Variants in NAA35 observed in about 807,000 individuals in gnomAD.
The protein encoded by NAA35 is N-alpha-acetyltransferase 35, NatC auxiliary subunit.
A neutral mutation model predicts 101.7 loss-of-function variants in NAA35; 18 were observed. That is an observed-to-expected ratio of 0.18 (90% CI 0.12 to 0.26). NAA35 has a LOEUF of 0.26. Among genes scored for constraint, NAA35 ranks in the 10% least tolerant of loss-of-function variants. NAA35 has a pLI of 1.00. For missense variants in NAA35, 601 were observed against 886.8 expected, an observed-to-expected ratio of 0.68 and a Z score of 4.09; for synonymous variants, 267 against 273.1, an observed-to-expected ratio of 0.98 and a Z score of 0.22.
In NAA35 at chr9:85,956,164, G is replaced by A. The variant is rs186513401; in HGVS notation, c.125-196G>A. On this transcript the variant is annotated intron_variant, in intron 2 of 22. Transcript: ENST00000361671. ...TTTTTCCTAAACCACTTGATTTATC[G>A]TATTCTTTTGTATTTACACAAGTAC... is the stretch of plus-strand genomic sequence containing the variant. Among the ~76,000 whole-genome samples, 21 of 152,048 alleles carry A rather than the reference G, an allele frequency of 1.4e-4. No homozygotes were observed. The East Asian group carries it at 3.7e-3, about 27-fold the overall frequency.
At chr9:85,986,591 C>CT (rs980393569) in intron 11 of NAA35, 2,907 of 252,056 alleles carry the variant, frequency 0.012, 12 homozygotes, top group African/African-American at 0.041. Flanking sequence ...GGTGTCCAAT[C>CT]TTTTTTTTTT....
intron 17 of NAA35, among the ~76,000 whole-genome samples, 153 bp downstream of exon 17, chr9:86,014,050 T>C (rs531117940): frequency 6.6e-6 from 1 of 152,346 alleles, no homozygotes; most frequent in East Asian, 1.9e-4. Flanking sequence ...TAGATCATCT[T>C]GAATATCTTT....
In NAA35 at chr9:86,002,855, G is replaced by A. The variant is rs1431174530; in HGVS notation, c.1057-730G>A. 3.3e-5 allele frequency among the ~76,000 whole-genome samples: 5 copies of A among 152,118 alleles called. No homozygotes were observed. In the East Asian group the frequency reaches 9.6e-4, roughly 29 times the overall value. ...TATTTCTGTCATTCCAGCCAGTTCA[G>A]CCTGATTAAGAACTCATGTTGGAGA... On this transcript the variant is annotated intron_variant, in intron 12 of 22. Transcript: ENST00000361671.
intron 2 of NAA35, among the ~76,000 whole-genome samples, chr9:85,948,142 T>A (rs187548684): frequency 8.5e-5 from 13 of 152,336 alleles, no homozygotes; most frequent in Admixed American, 8.5e-4. Context: ...CAGTTTAGGC[T>A]GTATCTGTGG....
chr9:86,016,098 A>G (rs760690257), intron 17 of NAA35, among the ~76,000 whole-genome samples: 1 of 151,794 alleles, frequency 6.6e-6, no homozygotes, highest in Non-Finnish European at 1.5e-5. Context: ...AGTGTCTGGT[A>G]GAGAATGTTC....
At chr9:85,986,606 C>T (rs772956211) in intron 11 of NAA35, 33 of 356,374 alleles carry the variant, frequency 9.3e-5, no homozygotes, top group South Asian at 1.5e-4. Context: ...TTTTTTGAGA[C>T]GAAGTTTCAC....
At chr9:85,948,582 T>TA (rs1444553025) in intron 2 of NAA35, among the ~76,000 whole-genome samples, 2 of 152,220 alleles carry the variant, frequency 1.3e-5, no homozygotes, top group East Asian at 3.8e-4. Flanking sequence ...GCATGGGAGA[T>TA]AAAATGTTTT....
rs1399064451 is a variant in NAA35 at position 86,024,376 on chromosome 9, A to G, written c.*2416A>G. ...GAGAGGCAAGGAGAAGCCGATACCC[A>G]AAACCCTGGGAGGCCACAGGTTAAA... On this transcript the variant is annotated 3_prime_UTR_variant, in exon 23 of 23. Coordinates refer to ENST00000361671, the MANE Select transcript of NAA35 (RefSeq NM_024635.4). Among the ~76,000 whole-genome samples the G allele has an allele frequency of 1.3e-5, 2 of 152,182 alleles. No individual in the cohort carries two copies. Among genetic ancestry groups the G allele is most frequent in the Non-Finnish European group, 1.5e-5 (1 of 68,036 alleles).
intron 12 of NAA35, among the ~76,000 whole-genome samples, chr9:86,002,663 G>A (rs1302698640): frequency 6.6e-6 from 1 of 152,010 alleles, no homozygotes; most frequent in Non-Finnish European, 1.5e-5. Context: ...TAATACTTGT[G>A]ATTGCATAGT....
chr9:86,024,368 C>A lies in NAA35; in HGVS notation c.*2408C>A, dbSNP rs115054700. Among the ~76,000 whole-genome samples the A allele has an allele frequency of 6.6e-6, 1 of 152,030 alleles. No individual in the cohort carries two copies. Among genetic ancestry groups the A allele is most frequent in the African/African-American group, 2.4e-5 (1 of 41,378 alleles). On this transcript the variant is annotated 3_prime_UTR_variant, in exon 23 of 23. Transcript: ENST00000361671. ...GCGGAGATGAGAGGCAAGGAGAAGC[C>A]GATACCCAAAACCCTGGGAGGCCAC...
chr9:85,955,642 C>T (rs992980409), intron 2 of NAA35, among the ~76,000 whole-genome samples: 2 of 152,054 alleles, frequency 1.3e-5, no homozygotes, highest in African/African-American at 4.8e-5. Context: ...GGATTACAGG[C>T]GTGAGCCACC....
At chr9:85,981,130 G>A (rs1480020240) in intron 11 of NAA35, among the ~76,000 whole-genome samples, 2 of 152,098 alleles carry the variant, frequency 1.3e-5, no homozygotes, top group Non-Finnish European at 2.9e-5. Context: ...GACTTTGTAT[G>A]TATTTATCAT....
chr9:85,952,852 C>T (rs987507317), intron 2 of NAA35, among the ~76,000 whole-genome samples: 2 of 152,146 alleles, frequency 1.3e-5, no homozygotes, highest in Admixed American at 6.5e-5. Flanking sequence ...ATTTTTACTG[C>T]TTTATCAAGG....
At chr9:85,973,443 G>A (rs1830079040) in intron 6 of NAA35, among the ~76,000 whole-genome samples, 1 of 152,130 alleles carries the variant, frequency 6.6e-6, no homozygotes. Flanking sequence ...GAGCAATAGT[G>A]GTGACTTAAA....
intron 2 of NAA35, among the ~76,000 whole-genome samples, chr9:85,948,395 C>T (rs1284798961): frequency 1.3e-5 from 2 of 152,166 alleles, no homozygotes; most frequent in Non-Finnish European, 2.9e-5. Context: ...ATTGGAGATC[C>T]TGTTGGTTTC....
At chr9:86,014,204 TGG>T (rs1832088950) in intron 17 of NAA35, 1 of 193,552 alleles carries the variant, frequency 5.2e-6, no homozygotes, top group Non-Finnish European at 9.4e-6. Flanking sequence ...CTGAATTTGG[TGG>T]CACTAGCTGT....
intron 6 of NAA35, chr9:85,966,807 G>C (rs1321317609): frequency 3.2e-6 from 1 of 312,554 alleles, no homozygotes; most frequent in Non-Finnish European, 5.8e-6. Flanking sequence ...CTATAACTCA[G>C]CCTTAAAGAA....
At position 86,025,326 on chromosome 9, in the gene NAA35, G is replaced by A. The variant is rs908100997; in HGVS notation, c.*3366G>A. 6.6e-6 allele frequency among the ~76,000 whole-genome samples: 1 copy of A among 152,136 alleles called. No homozygotes were observed. The highest frequency in any genetic ancestry group is 1.5e-5 in the Non-Finnish European group (1 of 68,028). ...ACTGGGGCGAGCTCTTTCTTGAAGG[G>A]GTGGGGCAGAAGCTGGAAAGTCAGT... On this transcript the variant is annotated 3_prime_UTR_variant, in exon 23 of 23. Coordinates refer to ENST00000361671, the MANE Select transcript of NAA35 (RefSeq NM_024635.4).
chr9:85,990,009 C>T (rs1358814362), intron 11 of NAA35, among the ~76,000 whole-genome samples: 1 of 152,166 alleles, frequency 6.6e-6, no homozygotes, highest in African/African-American at 2.4e-5. Flanking sequence ...GTTGCTGTAA[C>T]AGAGTTCCTG....
Sources: gnomAD v4.1 joint callset for allele counts (sites outside exome capture counted in the v4.1 genomes callset) on GRCh38, gnomAD v4.1.1 for gene constraint, MANE v1.5 for transcripts, NCBI Gene and HGNC (gene_info 2026-07-23, HGNC 2026-07-21) for gene names.